Variants in KIF14 observed in about 807,000 individuals in gnomAD.
KIF14 encodes kinesin-like protein KIF14.
A neutral mutation model predicts 176.2 loss-of-function variants in KIF14; 98 were observed. That is an observed-to-expected ratio of 0.56 (90% CI 0.47 to 0.66). KIF14 has a LOEUF of 0.66. Ranked by LOEUF, KIF14 falls within the 30% of genes least tolerant of loss-of-function variation. The pLI is 0.00. For synonymous variants in KIF14, 566 were observed against 632.2 expected, an observed-to-expected ratio of 0.90 and a Z score of 1.57; for missense variants, 1,751 against 1,920.4, an observed-to-expected ratio of 0.91 and a Z score of 1.65.
Position 200,606,766 on chromosome 1 carries a change from T to G in KIF14, c.1587A>C (p.Pro529=), listed in dbSNP as rs1659902325. The G allele has an allele frequency of 6.2e-7, 1 of 1,613,510 alleles. No individual in the cohort carries two copies. The highest frequency in any genetic ancestry group is 1.7e-5 in the Admixed American group (1 of 60,008). ...LRVREHPVYG[P]YVEALSMNIV... The stretch of plus-strand genomic sequence containing the variant: ...CTTACATTGACAGTGCTTCAACATA[T>G]GGTCCATAAACAGGATGTTCCCTCA... Residue 529 remains proline (P), a synonymous_variant, in exon 6 of 30, where the codon CCA becomes CCC. Coordinates refer to ENST00000367350, the MANE Select transcript of KIF14 (RefSeq NM_014875.3).
chr1:200,601,916 A>G lies in KIF14; in HGVS notation c.2132T>C (p.Met711Thr). The change falls in exon 11 of 30, where the codon ATG becomes ACG. Residue 711 changes from methionine (M) to threonine (T), a missense_variant. Met to Thr is a moderately conservative substitution (Grantham distance 81, BLOSUM62 -1). Coordinates refer to ENST00000367350, the MANE Select transcript of KIF14 (RefSeq NM_014875.3). The part of the protein sequence containing the change: ...IVNIAKVNED[M>T]NAKLIRELKA... ...TTCACCTCTAATTAACTTAGCGTTC[A>G]TATCTTCATTTACTTTAGCAATGTT... 6.2e-7 allele frequency: 1 copy of G among 1,609,580 alleles called. No homozygotes were observed.
intron 21 of KIF14, among the ~76,000 whole-genome samples, chr1:200,576,425 C>A (rs1658112748): frequency 6.7e-6 from 1 of 149,646 alleles, no homozygotes; most frequent in African/African-American, 2.5e-5. Context: ...TTGCAGTGAG[C>A]CGAGATCGCG....
Position 200,618,628 on chromosome 1 carries a change from G to A in KIF14, c.96C>T (p.His32=). ...QNSSSLNALT[H]SSRLKLHLKS... is the part of the protein sequence containing the mutation. ...TCAAATGCAGCTTAAGTCGGCTACTGTGGGTGAGGGCATTCAGTGATGAAC... is the reference window on the plus strand; with the variant it reads ...TCAAATGCAGCTTAAGTCGGCTACTATGGGTGAGGGCATTCAGTGATGAAC... The change falls in exon 2 of 30, where the codon CAC becomes CAT. Residue 32 remains histidine (H), a synonymous_variant. Transcript: ENST00000367350. The A allele has an allele frequency of 1.9e-6, 3 of 1,614,078 alleles. No individual in the cohort carries two copies. Among genetic ancestry groups the A allele is most frequent in the Non-Finnish European group, 2.5e-6 (3 of 1,180,040 alleles).
intron 14 of KIF14, among the ~76,000 whole-genome samples, chr1:200,594,368 CAAAAAAAAAAAAA>C (rs371729211): frequency 5.4e-5 from 5 of 92,516 alleles, no homozygotes; most frequent in Admixed American, 1.4e-4. Context: ...CCCAAAAATT[CAAAAAAAAAAAAA>C]AAAAAAAAAA....
chr1:200,570,251 T>G (rs1657702950), intron 22 of KIF14, among the ~76,000 whole-genome samples: 1 of 152,196 alleles, frequency 6.6e-6, no homozygotes. Flanking sequence ...CTCTGGATAT[T>G]GTGGTAAAAT....
At chr1:200,591,956 G>T in intron 16 of KIF14, 124 bp downstream of exon 16, 1 of 753,760 alleles carries the variant, frequency 1.3e-6, no homozygotes, top group Non-Finnish European at 2.1e-6. Flanking sequence ...TGTACTAAGA[G>T]AAAAAATTAT....
chr1:200,595,778 C>T (rs1413364201), intron 14 of KIF14, among the ~76,000 whole-genome samples: 1 of 150,052 alleles, frequency 6.7e-6, no homozygotes, highest in Non-Finnish European at 1.5e-5. Flanking sequence ...ATGAAATCGT[C>T]TCTACTAAAA....
rs1365417290 is a variant in KIF14 at position 200,552,878 on chromosome 1, G to A, written c.*510C>T. The A allele has an allele frequency of 6.6e-6, 1 of 151,606 alleles. No individual in the cohort carries two copies. Among genetic ancestry groups the A allele is most frequent in the Non-Finnish European group, 1.5e-5 (1 of 67,988 alleles). 9.4% of individuals were successfully genotyped at this position (151,606 alleles called of 1,614,324 possible). A position where few individuals can be genotyped will look rare whatever the true frequency, so the allele number is the denominator to read the frequency against. On this transcript the variant is annotated 3_prime_UTR_variant, in exon 30 of 30. Transcript: ENST00000367350. ...ACGACTAATGAACCAACTACAGACA[G>A]TATACCAATGTTAAACACTTTAAAG...
intron 14 of KIF14, among the ~76,000 whole-genome samples, chr1:200,596,283 C>G (rs149353688): frequency 0.01 from 1,546 of 152,136 alleles, 20 homozygotes; most frequent in African/African-American, 0.034. Context: ...TTACAAAGCT[C>G]AAGTAATTAC....
chr1:200,553,216 G>C lies in KIF14; in HGVS notation c.*172C>G. ...CTCCCAAAGTGCTGGGATTACAGGC[G>C]TGAGCCACTGTGTCTGGCCTTTGAT... is the stretch of plus-strand genomic sequence containing the variant. On this transcript the variant is annotated 3_prime_UTR_variant, in exon 30 of 30. Transcript: ENST00000367350. 3.1e-6 allele frequency: 2 copies of C among 642,988 alleles called. No homozygotes were observed. The highest frequency in any genetic ancestry group is 4.9e-6 in the Non-Finnish European group (2 of 410,392). 39.8% of individuals were successfully genotyped at this position (642,988 alleles called of 1,614,324 possible). A position where few individuals can be genotyped will look rare whatever the true frequency, so the allele number is the denominator to read the frequency against.
intron 14 of KIF14, among the ~76,000 whole-genome samples, chr1:200,595,687 G>A (rs1295389191): frequency 6.6e-6 from 1 of 152,082 alleles, no homozygotes; most frequent in African/African-American, 2.4e-5. Context: ...AGTGGCTCAC[G>A]TCTGTAATCC....
Position 200,592,174 on chromosome 1 carries a change from C to T in KIF14, c.2719G>A (p.Gly907Arg). 6.2e-7 allele frequency: 1 copy of T among 1,613,592 alleles called. No individual in the cohort carries two copies. ...RFNHPVEVQK[G>R]KRPSGRDTPI... The stretch of plus-strand genomic sequence containing the variant: ...GTATCTCTTCCAGATGGCCTTTTTC[C>T]TTTCTGGACTTCTACTGGATGATTA... The change falls in exon 16 of 30, where the codon GGA (glycine) becomes AGA (arginine). Residue 907 changes from glycine (G) to arginine (R), a missense_variant. Physicochemically the swap from Gly to Arg is moderately radical, Grantham distance 125. Coordinates refer to ENST00000367350, the MANE Select transcript of KIF14 (RefSeq NM_014875.3).
At chr1:200,570,278 C>G (rs1039349434) in intron 22 of KIF14, among the ~76,000 whole-genome samples, 10 of 152,130 alleles carry the variant, frequency 6.6e-5, no homozygotes, top group African/African-American at 2.4e-4. Context: ...AACATGGTTT[C>G]TGGGCTCACT....
intron 25 of KIF14, among the ~76,000 whole-genome samples, chr1:200,561,541 A>G (rs1439893333): frequency 1.3e-5 from 2 of 149,228 alleles, no homozygotes; most frequent in Non-Finnish European, 3.0e-5. Flanking sequence ...ACTCTGTCTC[A>G]CTGATTTTCA....
intron 29 of KIF14, among the ~76,000 whole-genome samples, chr1:200,553,968 T>G (rs1421758376): frequency 1.3e-5 from 2 of 152,222 alleles, no homozygotes; most frequent in East Asian, 3.8e-4. Flanking sequence ...TAGGTAGAAG[T>G]ACTGATACAT....
chr1:200,571,897 GT>G (rs1343676044), intron 22 of KIF14, among the ~76,000 whole-genome samples: 2 of 152,122 alleles, frequency 1.3e-5, no homozygotes, highest in African/African-American at 4.8e-5. Flanking sequence ...CTTTCAAAGA[GT>G]TTTTACTTAA....
chr1:200,611,019 G>A (rs1427509570), intron 4 of KIF14, among the ~76,000 whole-genome samples: 1 of 152,188 alleles, frequency 6.6e-6, no homozygotes, highest in African/African-American at 2.4e-5. Flanking sequence ...CTGATTGGGA[G>A]AGAAAGCAAT....
chr1:200,581,003 A>G (rs1281343336), intron 20 of KIF14, among the ~76,000 whole-genome samples, 198 bp downstream of exon 20: 1 of 150,994 alleles, frequency 6.6e-6, no homozygotes, highest in Non-Finnish European at 1.5e-5. Context: ...AATCCCAGTT[A>G]CTCAGGAGGC....
intron 22 of KIF14, among the ~76,000 whole-genome samples, chr1:200,575,157 C>T (rs1485743288): frequency 6.6e-6 from 1 of 151,810 alleles, no homozygotes; most frequent in Admixed American, 6.6e-5. Flanking sequence ...GGGGTTTCAC[C>T]GTGTTAGCCA....
Sources: allele counts gnomAD v4.1 joint callset (sites outside exome capture counted in the v4.1 genomes callset), GRCh38; gene constraint gnomAD v4.1.1; transcripts MANE v1.5; gene names NCBI Gene and HGNC (gene_info 2026-07-23, HGNC 2026-07-21).